The following ZNF248 variants were observed in gnomAD, a reference collection of about 807,000 sequenced individuals.
ZNF248 encodes the protein KRAB protein domain.
ZNF248 carries 20 observed loss-of-function variants against 44.3 expected under a neutral mutation model. That is an observed-to-expected ratio of 0.45 (90% CI 0.32 to 0.66). The LOEUF (loss-of-function observed/expected upper bound fraction) is 0.66. Ranked by LOEUF, ZNF248 falls within the 30% of genes least tolerant of loss-of-function variation. The probability of loss-of-function intolerance (pLI) is 0.04; values close to 1 mark genes in which losing one functional copy is unlikely to be tolerated. For missense variants in ZNF248, 654 were observed against 677.0 expected (o/e 0.97, Z 0.38); for synonymous variants, 224 against 229.0 (o/e 0.98, Z 0.20).
At chr10:37,798,205 G>A (rs901688234) in intron 6 of ZNF248, among the ~76,000 whole-genome samples, 5 of 151,944 alleles carry the variant, frequency 3.3e-5, no homozygotes, top group Non-Finnish European at 5.9e-5. Flanking sequence ...GAAAGAAGTC[G>A]GACACCAAAG....
rs562952107 is a variant in ZNF248, at chr10:37,777,867, A to T, written c.331-1292T>A. On this transcript the variant is annotated intron_variant, in intron 6 of 6. Transcript: ENST00000615949. ...ATTTCCCTACAAAGGACATGAACTC[A>T]TCCTTTTTTATGGCTGCATAGTATT... 2.2e-3 allele frequency among the ~76,000 whole-genome samples: 342 copies of T among 152,138 alleles called. 1 individual carries two copies. Among genetic ancestry groups the T allele is most frequent in the African/African-American group, 7.8e-3 (322 of 41,510 alleles).
At chr10:37,777,122 A>C (rs2046662790) in intron 6 of ZNF248, among the ~76,000 whole-genome samples, 4 of 152,118 alleles carry the variant, frequency 2.6e-5, no homozygotes, top group Admixed American at 2.6e-4. Context: ...TCTGATTGAG[A>C]GCTCTAAACT....
At chr10:37,777,700 A>C (rs1454312332) in intron 6 of ZNF248, among the ~76,000 whole-genome samples, 1 of 93,868 alleles carries the variant, frequency 1.1e-5, no homozygotes, top group Non-Finnish European at 2.0e-5. Flanking sequence ...CCCACCCCAC[A>C]ACAGTCCCCA....
chr10:37,835,857 T>C (rs2134033353), intron 5 of ZNF248, among the ~76,000 whole-genome samples: 1 of 152,346 alleles, frequency 6.6e-6, no homozygotes, highest in East Asian at 1.9e-4. Flanking sequence ...TTCAAATGGA[T>C]ACTTCTAGTT....
chr10:37,820,843 T>G, intron 6 of ZNF248: 2 of 1,191,378 alleles, frequency 1.7e-6, no homozygotes, highest in Non-Finnish European at 2.5e-6. Context: ...TTTCCCATTC[T>G]GTTTTGCATG....
At chr10:37,820,026 T>G in intron 6 of ZNF248, 1 of 795,734 alleles carries the variant, frequency 1.3e-6, no homozygotes, top group Admixed American at 1.8e-5. Flanking sequence ...GACTTTTCTA[T>G]GAGGACTTTC....
intron 3 of ZNF248, among the ~76,000 whole-genome samples, chr10:37,852,828 A>C (rs2060539028): frequency 6.6e-6 from 1 of 151,890 alleles, no homozygotes; most frequent in Non-Finnish European, 1.5e-5. Context: ...TGCAGTACCA[A>C]AAGGAAAGTA....
intron 3 of ZNF248, among the ~76,000 whole-genome samples, chr10:37,840,515 A>T (rs934867200): frequency 1.9e-4 from 29 of 152,354 alleles, no homozygotes; most frequent in Admixed American, 1.4e-3. Context: ...TGACAGTATC[A>T]ATTTTAAGTT....
chr10:37,790,922 T>TAAA (rs372371285), intron 6 of ZNF248, among the ~76,000 whole-genome samples: 2 of 127,716 alleles, frequency 1.6e-5, no homozygotes, highest in African/African-American at 5.8e-5. Flanking sequence ...CCCATTATCT[T>TAAA]AAAAAAAAAA....
At chr10:37,808,793 A>C (rs1384037090) in intron 6 of ZNF248, among the ~76,000 whole-genome samples, 1 of 152,204 alleles carries the variant, frequency 6.6e-6, no homozygotes, top group Non-Finnish European at 1.5e-5. Flanking sequence ...CCTAAAAAAG[A>C]CTAATGTTAG....
intron 1 of ZNF248, 114 bp from the exon 2 acceptor site, chr10:37,856,646 T>C: frequency 9.7e-7 from 1 of 1,028,048 alleles, no homozygotes; most frequent in African/African-American, 1.7e-5. Flanking sequence ...AAAAAAAAAC[T>C]GAGGCCATAT....
intron 3 of ZNF248, among the ~76,000 whole-genome samples, chr10:37,845,713 G>A (rs2059215198): frequency 6.6e-6 from 1 of 152,116 alleles, no homozygotes; most frequent in South Asian, 2.1e-4. Flanking sequence ...GAAAAGGCAG[G>A]AAGGAGTGAA....
At chr10:37,824,128 A>T (rs944133267), downstream of ZNF248, among the ~76,000 whole-genome samples, 12 of 152,148 alleles carry the variant, frequency 7.9e-5, no homozygotes, top group African/African-American at 2.9e-4. Flanking sequence ...GAGGACTGAG[A>T]GTGTTATTCC....
downstream of ZNF248, among the ~76,000 whole-genome samples, chr10:37,774,191 T>G (rs1426121513): frequency 6.6e-6 from 1 of 152,156 alleles, no homozygotes; most frequent in African/African-American, 2.4e-5. Flanking sequence ...AACAGGAGCA[T>G]GGCCCAGATG....
intron 5 of ZNF248, among the ~76,000 whole-genome samples, chr10:37,835,597 G>A (rs2056993945): frequency 6.6e-6 from 1 of 152,122 alleles, no homozygotes; most frequent in South Asian, 2.1e-4. Flanking sequence ...GTTTTTGAAG[G>A]GAAAAAGCTG....
intron 6 of ZNF248, chr10:37,820,915 A>G: frequency 6.5e-7 from 1 of 1,545,498 alleles, no homozygotes; most frequent in Non-Finnish European, 8.9e-7. Context: ...ACTAATACCT[A>G]CTCTAGTAAA....
At chr10:37,817,922 A>G (rs1332515244) in intron 6 of ZNF248, among the ~76,000 whole-genome samples, 4 of 151,824 alleles carry the variant, frequency 2.6e-5, no homozygotes, top group African/African-American at 7.2e-5. Flanking sequence ...ATTTATTTAT[A>G]TATTTATTTT....
intron 6 of ZNF248, among the ~76,000 whole-genome samples, chr10:37,809,221 T>C (rs2051109181): frequency 6.6e-6 from 1 of 152,186 alleles, no homozygotes; most frequent in Non-Finnish European, 1.5e-5. Flanking sequence ...CTTTGTTATC[T>C]CTGCCCTACT....
At chr10:37,824,313 T>TTTAC (rs140790093), downstream of ZNF248, among the ~76,000 whole-genome samples, 1 of 152,206 alleles carries the variant, frequency 6.6e-6, no homozygotes, top group Non-Finnish European at 1.5e-5. Context: ...TCTCATCTGC[T>TTTAC]TTACTTAGTC....
Sources: gnomAD v4.1 joint callset for allele counts (sites outside exome capture counted in the v4.1 genomes callset) on GRCh38, gnomAD v4.1.1 for gene constraint, MANE v1.5 for transcripts, NCBI Gene and HGNC (gene_info 2026-07-23, HGNC 2026-07-21) for gene names.